The following ARHGEF11 variants were observed in gnomAD, a reference collection of about 807,000 sequenced individuals.
ARHGEF11 encodes the protein Rho guanine nucleotide exchange factor 11.
ARHGEF11 carries 55 observed loss-of-function variants against 193.7 expected under a neutral mutation model. The observed-to-expected ratio is 0.28, with a 90% CI of 0.23 to 0.36. The LOEUF is 0.36. Ranked by LOEUF, ARHGEF11 falls within the 10% of genes least tolerant of loss-of-function variation. The probability of loss-of-function intolerance (pLI) is 1.00; values close to 1 mark genes in which losing one functional copy is unlikely to be tolerated. For synonymous variants in ARHGEF11, 693 were observed against 768.0 expected, an observed-to-expected ratio of 0.90 and a Z score of 1.62; for missense variants, 1,723 against 2,005.6, an observed-to-expected ratio of 0.86 and a Z score of 2.69.
In ARHGEF11 at chr1:156,945,319, G is replaced by A. The variant is rs1657915506; in HGVS notation, c.2813-122C>T. The A allele has an allele frequency of 2.7e-6, 3 of 1,118,488 alleles. No individual in the cohort carries two copies. In the African/African-American group the frequency reaches 4.7e-5, roughly 17 times the overall value. The allele number at this position is 1,118,488 out of a possible 1,614,324, so 69.3% of individuals were successfully genotyped here. A position where few individuals can be genotyped will look rare whatever the true frequency, so the allele number is the denominator to read the frequency against. ...TGCTTCAAACCAGCAGGCGTGGGTGGAGGGGAGCCACCCTTGCCTCACATG... is the reference window on the plus strand; with the variant it reads ...TGCTTCAAACCAGCAGGCGTGGGTGAAGGGGAGCCACCCTTGCCTCACATG... On this transcript the variant is annotated intron_variant, in intron 29 of 40. Transcript: ENST00000368194.
chr1:156,958,034 T>C (rs1338261166), intron 17 of ARHGEF11, among the ~76,000 whole-genome samples: 1 of 152,254 alleles, frequency 6.6e-6, no homozygotes, highest in Non-Finnish European at 1.5e-5. Context: ...TGCATAGGTT[T>C]CATCTTCTTT....
At chr1:156,969,902 T>C (rs1662276365) in intron 9 of ARHGEF11, 96 bp downstream of exon 9, 5 of 1,238,874 alleles carry the variant, frequency 4.0e-6, no homozygotes, top group Non-Finnish European at 5.9e-6. Flanking sequence ...GCACTATATA[T>C]TTTCTTTCCT....
intron 4 of ARHGEF11, 73 bp from the exon 5 acceptor site, chr1:156,979,359 C>CA: frequency 1.1e-4 from 106 of 922,430 alleles, no homozygotes; most frequent in Middle Eastern, 2.9e-4. Context: ...TTCAAAATGC[C>CA]ACTTTTTTTT....
Position 156,938,482 on chromosome 1 carries a change from T to C in ARHGEF11, c.4128A>G (p.Ala1376=), listed in dbSNP as rs778753913. ...GCTCTGACTGGCCACTCTCTGGTAGTGCAGGGACAACCTTGCTGCCTGCCA... is the reference window on the plus strand; with the variant it reads ...GCTCTGACTGGCCACTCTCTGGTAGCGCAGGGACAACCTTGCTGCCTGCCA... The part of the protein sequence containing the change: ...AEVAGSKVVP[A]LPESGQSEPG... The change falls in exon 38 of 41, where the codon GCA becomes GCG. Residue 1376 remains alanine (A), a synonymous_variant. Transcript: ENST00000368194. 1.2e-6 allele frequency: 2 copies of C among 1,613,468 alleles called. No homozygotes were observed. Among genetic ancestry groups the C allele is most frequent in the African/African-American group, 2.7e-5 (2 of 74,854 alleles).
At chr1:157,036,140 AATATATGAATACATATATGAATAT>A (rs1201910795) in intron 1 of ARHGEF11, among the ~76,000 whole-genome samples, 6 of 141,698 alleles carry the variant, frequency 4.2e-5, no homozygotes, top group African/African-American at 1.3e-4. Context: ...TATATATATG[AATATATGAATACATATATGAATAT>A]ATATATGAAT....
chr1:156,969,292 G>A lies in ARHGEF11; in HGVS notation c.815C>T (p.Ser272Phe). ...CCTGCTGGGACTCACCTCACTGAGGGAAGGAAAGCGTTCTGTCCCAGAGTC... is the reference window on the plus strand; with the variant it reads ...CCTGCTGGGACTCACCTCACTGAGGAAAGGAAAGCGTTCTGTCCCAGAGTC... ...GLDSGTERFP[S>F]LSESLMNRNS... The change falls in exon 10 of 41, where the codon TCC (serine) becomes TTC (phenylalanine). Residue 272 changes from serine (S) to phenylalanine (F), a missense_variant. Around this residue, in one of 5 missense-constraint regions of ARHGEF11, gnomAD observed 646 missense variants for 710.7 expected, o/e 0.91. Transcript: ENST00000368194. 1 of 1,602,786 alleles carries A rather than the reference G, an allele frequency of 6.2e-7. No homozygotes were observed. The highest frequency in any genetic ancestry group is 8.5e-7 in the Non-Finnish European group (1 of 1,174,560).
chr1:156,996,062 A>G (rs970111995), intron 1 of ARHGEF11, among the ~76,000 whole-genome samples: 8 of 152,326 alleles, frequency 5.3e-5, no homozygotes, highest in African/African-American at 1.9e-4. Flanking sequence ...TGACCTCCAC[A>G]ATGCATATAA....
intron 15 of ARHGEF11, among the ~76,000 whole-genome samples, chr1:156,959,414 T>C (rs1660457572): frequency 6.6e-6 from 1 of 152,226 alleles, no homozygotes; most frequent in Non-Finnish European, 1.5e-5. Context: ...AAAGTCCCTC[T>C]CATTGGATAT....
chr1:157,022,395 A>T (rs1670100160), intron 1 of ARHGEF11, among the ~76,000 whole-genome samples: 1 of 152,236 alleles, frequency 6.6e-6, no homozygotes, highest in African/African-American at 2.4e-5. Flanking sequence ...AAAAAATCTG[A>T]ATGAAATTAA....
At chr1:156,951,372 G>T (rs1659071032) in intron 22 of ARHGEF11, among the ~76,000 whole-genome samples, 1 of 151,722 alleles carries the variant, frequency 6.6e-6, no homozygotes, top group Non-Finnish European at 1.5e-5. Context: ...TGGAAGTCGG[G>T]GATCTGCTTG....
In ARHGEF11 at chr1:156,935,602, G is replaced by A; in HGVS notation, c.*398C>T. 5.7e-6 allele frequency: 1 copy of A among 176,516 alleles called. No individual in the cohort carries two copies. The allele number at this position is 176,516 out of a possible 1,614,324, so 10.9% of individuals were successfully genotyped here. ...ACCCACCTCTGCCTGGGGTCTTATG[G>A]AGAAAGAGGGGAGGAAGAAAGTGCA... On this transcript the variant is annotated 3_prime_UTR_variant, in exon 41 of 41. Transcript: ENST00000368194.
At chr1:156,951,841 G>T in intron 21 of ARHGEF11, 142 bp from the exon 22 acceptor site, 1 of 1,108,978 alleles carries the variant, frequency 9.0e-7, no homozygotes, top group Non-Finnish European at 1.3e-6. Context: ...CAGGAGATGT[G>T]TTCTGGTCCT....
intron 1 of ARHGEF11, among the ~76,000 whole-genome samples, chr1:157,038,755 G>A (rs1397406573): frequency 1.3e-5 from 2 of 152,164 alleles, no homozygotes; most frequent in Non-Finnish European, 2.9e-5. Context: ...CAGGCCTGGC[G>A]TGGTGGCTTG....
chr1:156,978,342 A>G lies in ARHGEF11; in HGVS notation c.372T>C (p.Pro124=). 6.2e-7 allele frequency: 1 copy of G among 1,613,572 alleles called. No individual in the cohort carries two copies. The part of the protein sequence containing the change: ...YVALTLLGSS[P]SSMGISGLQQ... ...GGAGCCCAGAGATGCCCATGGATGA[A>G]GGTGAAGAGCCCAGGAGGGTGAGTG... The change falls in exon 6 of 41, where the codon CCT becomes CCC. Residue 124 remains proline, a synonymous_variant. Coordinates refer to ENST00000368194, the MANE Select transcript of ARHGEF11 (RefSeq NM_198236.3).
Position 156,936,886 on chromosome 1 carries a change from T to A in ARHGEF11, c.4560A>T (p.Ser1520=). ...EAARWTDGSL[S]PPAKEPLASD... is the part of the protein sequence containing the mutation. ...AAGCTAGGGGCTCCTTAGCGGGAGG[T>A]GAGAGGGAGCCATCTGTCCATCTAG... is the stretch of plus-strand genomic sequence containing the variant. The change falls in exon 40 of 41, where the codon TCA becomes TCT. Residue 1520 remains serine (S), a synonymous_variant. Transcript: ENST00000368194. 1 of 1,613,502 alleles carries A rather than the reference T, an allele frequency of 6.2e-7. No individual in the cohort carries two copies. Among genetic ancestry groups the A allele is most frequent in the South Asian group, 1.1e-5 (1 of 91,040 alleles).
rs531880064 is a variant in ARHGEF11, at chr1:156,970,814, A to G, written c.703-771T>C. Among the ~76,000 whole-genome samples, 5 of 152,350 alleles carry G rather than the reference A, an allele frequency of 3.3e-5. No individual in the cohort carries two copies. The East Asian group carries it at 9.6e-4, about 29-fold the overall frequency. On this transcript the variant is annotated intron_variant, in intron 8 of 40. Coordinates refer to ENST00000368194, the MANE Select transcript of ARHGEF11 (RefSeq NM_198236.3). ...TATAAATGAGGAAGTTAAGGCTCCT[A>G]TGGATTAATTAACTTGCCCAAGAGT...
chr1:157,021,320 T>C (rs1156610237), intron 1 of ARHGEF11, among the ~76,000 whole-genome samples: 1 of 152,152 alleles, frequency 6.6e-6, no homozygotes, highest in Non-Finnish European at 1.5e-5. Context: ...GGATGGCAAA[T>C]GCTGAACACC....
intron 22 of ARHGEF11, 59 bp downstream of exon 22, chr1:156,951,514 C>T (rs1659094082): frequency 6.3e-7 from 1 of 1,599,232 alleles, no homozygotes. Flanking sequence ...ACCCTAGCAT[C>T]AGCCCTGCCC....
intron 1 of ARHGEF11, among the ~76,000 whole-genome samples, chr1:157,008,112 C>T (rs903349763): frequency 3.3e-5 from 5 of 151,988 alleles, no homozygotes; most frequent in Admixed American, 6.6e-5. Context: ...TCATATAACT[C>T]AAACTCGAAA....
Sources: allele counts gnomAD v4.1 joint callset (sites outside exome capture counted in the v4.1 genomes callset), GRCh38; gene constraint gnomAD v4.1.1; regional missense constraint gnomAD v4.1.1; transcripts MANE v1.5; gene names NCBI Gene and HGNC (gene_info 2026-07-23, HGNC 2026-07-21).